Variants in RABGAP1L observed in about 807,000 individuals in gnomAD.
RABGAP1L encodes rab GTPase-activating protein 1-like.
Under a neutral mutation model 137.7 loss-of-function variants are expected in RABGAP1L, and 63 were observed. The observed-to-expected ratio is 0.46, with a 90% CI of 0.37 to 0.56. The LOEUF (loss-of-function observed/expected upper bound fraction) is 0.56, where lower values mean the gene tolerates loss of function less well. RABGAP1L is among the 20% of genes least tolerant of loss of function. The pLI, the probability that RABGAP1L is intolerant of heterozygous loss-of-function variation, is 0.00. For missense variants in RABGAP1L, 1,095 were observed against 1,244.0 expected (o/e 0.88, Z 1.80); for synonymous variants, 431 against 433.7 (o/e 0.99, Z 0.08).
At chr1:174,211,222 A>G (rs191619185) in intron 1 of RABGAP1L, among the ~76,000 whole-genome samples, 1 of 152,260 alleles carries the variant, frequency 6.6e-6, no homozygotes, top group African/African-American at 2.4e-5. Context: ...TGTGTAAACT[A>G]CTCTTGTCCT....
At chr1:174,337,982 GT>G (rs1483067541) in intron 11 of RABGAP1L, among the ~76,000 whole-genome samples, 1 of 152,150 alleles carries the variant, frequency 6.6e-6, no homozygotes, top group African/African-American at 2.4e-5. Flanking sequence ...TGCAGTTTGA[GT>G]TGCGTTTGAC....
chr1:174,747,402 T>TA (rs35889834), intron 17 of RABGAP1L, among the ~76,000 whole-genome samples: 7,214 of 81,666 alleles, frequency 0.088, 344 homozygotes, highest in East Asian at 0.24. Context: ...ATTCTATCTC[T>TA]AAAAAAAAAA....
At chr1:174,688,249 T>C (rs1163047338) in intron 15 of RABGAP1L, among the ~76,000 whole-genome samples, 1 of 152,136 alleles carries the variant, frequency 6.6e-6, no homozygotes, top group East Asian at 1.9e-4. Context: ...TAAAATATTT[T>C]AGATAATTTG....
chr1:174,677,062 G>A (rs780161459), intron 14 of RABGAP1L, among the ~76,000 whole-genome samples: 19 of 151,280 alleles, frequency 1.3e-4, no homozygotes, highest in Non-Finnish European at 1.8e-4. Flanking sequence ...TGGCTCATGC[G>A]TGTAATCCAA....
At position 174,983,327 on chromosome 1, in the gene RABGAP1L, CAT is replaced by C. The variant is rs370725516; in HGVS notation, c.2805+423_2805+424del. On this transcript the variant is annotated intron_variant, in intron 24 of 25. Coordinates refer to ENST00000681986, the MANE Select transcript of RABGAP1L (RefSeq NM_001366446.1). ...GCAATATAGAACTTAGCTGGAAAAA[CAT>C]GTGTTGGGTAACTGATTCTTGCACT... Among the ~76,000 whole-genome samples, 480 of 152,256 alleles carry C rather than the reference CAT, an allele frequency of 3.2e-3. 4 individuals carry two copies. Among genetic ancestry groups the C allele is most frequent in the African/African-American group, 0.011 (467 of 41,544 alleles).
At chr1:174,283,752 C>A (rs1675791914) in intron 10 of RABGAP1L, among the ~76,000 whole-genome samples, 1 of 152,148 alleles carries the variant, frequency 6.6e-6, no homozygotes, top group African/African-American at 2.4e-5. Flanking sequence ...AGTGATCCAC[C>A]CTCCTCGGCC....
chr1:174,272,062 A>G (rs1000019003), intron 7 of RABGAP1L, among the ~76,000 whole-genome samples: 4 of 151,924 alleles, frequency 2.6e-5, no homozygotes, highest in Non-Finnish European at 5.9e-5. Flanking sequence ...ATTTTGACCT[A>G]TATGTTTGGA....
chr1:174,899,805 T>C (rs2149153284), intron 19 of RABGAP1L, among the ~76,000 whole-genome samples: 1 of 152,022 alleles, frequency 6.6e-6, no homozygotes, highest in African/African-American at 2.4e-5. Context: ...GCATAGAAAA[T>C]GAAGAAGAAA....
intron 13 of RABGAP1L, among the ~76,000 whole-genome samples, chr1:174,513,374 G>A (rs1662524697): frequency 6.6e-6 from 1 of 152,122 alleles, no homozygotes; most frequent in Non-Finnish European, 1.5e-5. Context: ...TAAAATTGCT[G>A]AGGCAGGAGG....
rs1208776494 is a variant in RABGAP1L at position 174,994,372 on chromosome 1, C to A, written c.*4371C>A. ...ACTACATATGTCAAGCTTATCTCCA[C>A]CTGAATTTGCTGCCTGCTATAAAAA... is the stretch of plus-strand genomic sequence containing the variant. On this transcript the variant is annotated 3_prime_UTR_variant, in exon 26 of 26. Transcript: ENST00000681986. 5.9e-5 allele frequency: 9 copies of A among 152,220 alleles called. No individual in the cohort carries two copies. The highest frequency in any genetic ancestry group is 1.5e-5 in the Non-Finnish European group (1 of 68,046). The allele number at this position is 152,220 out of a possible 1,614,324, so 9.4% of individuals were successfully genotyped here.
intron 13 of RABGAP1L, among the ~76,000 whole-genome samples, chr1:174,516,968 T>TAAATAAATAAATAAAA (rs1236530309): frequency 6.9e-6 from 1 of 145,438 alleles, no homozygotes; most frequent in African/African-American, 2.7e-5. Context: ...AATAAATAAA[T>TAAATAAATAAATAAAA]AAAATAAATT....
intron 13 of RABGAP1L, among the ~76,000 whole-genome samples, chr1:174,566,869 A>G (rs1044363073): frequency 1.1e-4 from 17 of 152,136 alleles, no homozygotes; most frequent in Admixed American, 5.3e-4. Context: ...AAAGAGTATG[A>G]AACAACTATG....
intron 17 of RABGAP1L, among the ~76,000 whole-genome samples, chr1:174,744,661 G>A (rs934831502): frequency 2.0e-5 from 3 of 152,102 alleles, no homozygotes; most frequent in Non-Finnish European, 4.4e-5. Flanking sequence ...TAGACATATC[G>A]AGTTGAGGGA....
At chr1:174,413,376 A>G (rs986914361) in intron 13 of RABGAP1L, among the ~76,000 whole-genome samples, 1 of 152,044 alleles carries the variant, frequency 6.6e-6, no homozygotes, top group Non-Finnish European at 1.5e-5. Flanking sequence ...GTTTGTGTCG[A>G]TTTTCAACCT....
intron 11 of RABGAP1L, among the ~76,000 whole-genome samples, chr1:174,316,775 A>C (rs1679412507): frequency 6.6e-6 from 1 of 152,118 alleles, no homozygotes; most frequent in African/African-American, 2.4e-5. Context: ...TTGGAGGTTC[A>C]GAGGTGCCAT....
intron 13 of RABGAP1L, among the ~76,000 whole-genome samples, chr1:174,412,101 G>T (rs977349972): frequency 5.3e-5 from 8 of 152,022 alleles, no homozygotes; most frequent in African/African-American, 1.9e-4. Flanking sequence ...CACTATTACT[G>T]TGTGGCTAAG....
At chr1:174,316,085 G>A (rs10912764) in intron 11 of RABGAP1L, among the ~76,000 whole-genome samples, 42,596 of 151,830 alleles carry the variant, frequency 0.28, 6,484 homozygotes, top group African/African-American at 0.39. Context: ...TGCTTAATCT[G>A]AAAAAATTAT....
At chr1:174,520,933 G>A (rs1054856573) in intron 13 of RABGAP1L, among the ~76,000 whole-genome samples, 3 of 152,152 alleles carry the variant, frequency 2.0e-5, no homozygotes, top group African/African-American at 4.8e-5. Flanking sequence ...CCCAGGAGGC[G>A]CAGTTTGCCG....
chr1:174,231,847 T>C (rs1670686701), intron 4 of RABGAP1L, among the ~76,000 whole-genome samples: 1 of 152,190 alleles, frequency 6.6e-6, no homozygotes, highest in South Asian at 2.1e-4. Context: ...GGGATGGTGC[T>C]AAACCATTCA....
Sources: gnomAD v4.1 joint callset for allele counts (sites outside exome capture counted in the v4.1 genomes callset) on GRCh38, gnomAD v4.1.1 for gene constraint, MANE v1.5 for transcripts, NCBI Gene and HGNC (gene_info 2026-07-23, HGNC 2026-07-21) for gene names.